The following LAMB1 variants were observed in gnomAD, a reference collection of about 807,000 sequenced individuals.
The protein encoded by LAMB1 is laminin subunit beta-1.
Under a neutral mutation model 222.3 loss-of-function variants are expected in LAMB1, and 121 were observed. The observed-to-expected ratio is 0.54, with a 90% CI of 0.47 to 0.63. The LOEUF is 0.63. LAMB1 is among the 30% of genes least tolerant of loss of function. LAMB1 has a pLI of 0.00. For synonymous variants in LAMB1, 794 were observed against 807.2 expected, an observed-to-expected ratio of 0.98 and a Z score of 0.28; for missense variants, 2,172 against 2,240.8, an observed-to-expected ratio of 0.97 and a Z score of 0.62.
chr7:107,931,367 T>C lies in LAMB1; in HGVS notation c.4526A>G (p.Asn1509Ser), dbSNP rs772720737. The C allele has an allele frequency of 1.9e-6, 3 of 1,612,818 alleles. No homozygotes were observed. Among genetic ancestry groups the C allele is most frequent in the Non-Finnish European group, 2.5e-6 (3 of 1,179,656 alleles). ...AAAAAATTTCTTACGGGTCAAAAAG[T>C]TTCTGATTTGCTTGATTAGATTTCT... ...ELRNLIKQIR[N>S]FLTQDSADLD... Residue 1509 changes from asparagine to serine, a missense_variant, in exon 29 of 34, where the codon AAC becomes AGC. Physicochemically the swap from Asn to Ser is conservative, Grantham distance 46. Coordinates refer to ENST00000222399, the MANE Select transcript of LAMB1 (RefSeq NM_002291.3).
intron 5 of LAMB1, among the ~76,000 whole-genome samples, chr7:107,991,639 G>A (rs529067265): frequency 4.6e-5 from 7 of 151,624 alleles, no homozygotes; most frequent in East Asian, 3.9e-4. Flanking sequence ...GGCTGGGCGC[G>A]GTAGCTCACG....
At chr7:107,951,361 G>A in intron 23 of LAMB1, 39 bp from the exon 24 acceptor site, 1 of 1,581,492 alleles carries the variant, frequency 6.3e-7, no homozygotes, top group Non-Finnish European at 8.7e-7. Flanking sequence ...GCAGGCTTCA[G>A]GCCAGAAGCC....
intron 33 of LAMB1, 52 bp downstream of exon 33, chr7:107,924,178 C>T: frequency 6.4e-7 from 1 of 1,552,822 alleles, no homozygotes; most frequent in Non-Finnish European, 8.6e-7. Context: ...TTTAAATAAA[C>T]TATGGATGCC....
At chr7:107,940,906 G>A (rs1328224682) in intron 24 of LAMB1, among the ~76,000 whole-genome samples, 1 of 152,146 alleles carries the variant, frequency 6.6e-6, no homozygotes, top group Non-Finnish European at 1.5e-5. Flanking sequence ...AGCTCTTTAC[G>A]TACCTGACTC....
Position 107,960,605 on chromosome 7 carries a change from C to T in LAMB1, c.2154G>A (p.Val718=), listed in dbSNP as rs1584508209. The T allele has an allele frequency of 3.7e-6, 6 of 1,614,264 alleles. No individual in the cohort carries two copies. Among genetic ancestry groups the T allele is most frequent in the Non-Finnish European group, 5.1e-6 (6 of 1,180,050 alleles). ...PYCKSLDIFT[V]GGSGDGVVTN... is the part of the protein sequence containing the mutation. The stretch of plus-strand genomic sequence containing the variant: ...TGACCACCCCATCTCCTGAACCTCC[C>T]ACGGTGAAGATGTCCAGTGATTTAC... The change falls in exon 18 of 34, where the codon GTG becomes GTA. Residue 718 remains valine (V), a synonymous_variant. Transcript: ENST00000222399.
intron 28 of LAMB1, 150 bp downstream of exon 28, chr7:107,932,024 C>T (rs1380221705): frequency 1.3e-5 from 10 of 763,788 alleles, no homozygotes; most frequent in African/African-American, 1.2e-4. Flanking sequence ...CTTTCTCTGA[C>T]CTCACAGAAA....
At chr7:107,964,473 G>T in intron 14 of LAMB1, 79 bp downstream of exon 14, 1 of 1,523,356 alleles carries the variant, frequency 6.6e-7, no homozygotes, top group Non-Finnish European at 9.0e-7. Context: ...CTTCTGAAAT[G>T]GGGTCTTTAC....
intron 32 of LAMB1, 67 bp downstream of exon 32, chr7:107,926,116 G>T: frequency 8.0e-7 from 1 of 1,252,790 alleles, no homozygotes; most frequent in Non-Finnish European, 1.2e-6. Context: ...CTTACTCTAA[G>T]GCAGGCAAGG....
At chr7:107,940,861 T>C (rs2032964326) in intron 24 of LAMB1, among the ~76,000 whole-genome samples, 1 of 152,246 alleles carries the variant, frequency 6.6e-6, no homozygotes, top group African/African-American at 2.4e-5. Flanking sequence ...ATCCTGATAA[T>C]GTGCCACCTG....
At position 107,975,347 on chromosome 7, in the gene LAMB1, G is replaced by C. The variant is rs749199416; in HGVS notation, c.1256C>G (p.Thr419Ser). Reference protein sequence around the residue: ...GICDSYTDFSTGLIAGQCRCK... With the variant: ...GICDSYTDFSSGLIAGQCRCK... The stretch of plus-strand genomic sequence containing the variant: ...CCGACACTGGCCAGCAATGAGACCA[G>C]TAGAAAAATCAGTATAGCTGTCACA... Residue 419 changes from threonine (T) to serine (S), a missense_variant, in exon 11 of 34, where the codon ACT becomes AGT. Physicochemically the swap from Thr to Ser is moderately conservative, Grantham distance 58. Transcript: ENST00000222399. 6.2e-7 allele frequency: 1 copy of C among 1,614,026 alleles called. No homozygotes were observed. The highest frequency in any genetic ancestry group is 8.5e-7 in the Non-Finnish European group (1 of 1,179,944).
intron 7 of LAMB1, among the ~76,000 whole-genome samples, chr7:107,985,141 C>T (rs996954887): frequency 6.6e-6 from 1 of 152,062 alleles, no homozygotes; most frequent in East Asian, 1.9e-4. Context: ...AATCTTATAT[C>T]GGATGTATTG....
At chr7:107,925,006 A>G (rs2032526580) in intron 32 of LAMB1, among the ~76,000 whole-genome samples, 1 of 152,166 alleles carries the variant, frequency 6.6e-6, no homozygotes. Context: ...CATTATGCAA[A>G]ATGCCCTGAA....
chr7:107,988,964 TCACAA>T (rs992657892), intron 5 of LAMB1, among the ~76,000 whole-genome samples: 9 of 152,130 alleles, frequency 5.9e-5, no homozygotes, highest in African/African-American at 2.2e-4. Flanking sequence ...CAAGGCACCC[TCACAA>T]CACATTTGTC....
At chr7:107,964,760 G>A (rs1584512406) in intron 13 of LAMB1, 73 bp from the exon 14 acceptor site, 1 of 1,552,116 alleles carries the variant, frequency 6.4e-7, no homozygotes, top group Non-Finnish European at 8.8e-7. Context: ...CAGCTCTACA[G>A]CTGCCATTAC....
chr7:107,941,551 A>C (rs1040838016), intron 24 of LAMB1, among the ~76,000 whole-genome samples: 2 of 152,196 alleles, frequency 1.3e-5, no homozygotes, highest in African/African-American at 4.8e-5. Flanking sequence ...ACCTCATTTT[A>C]GTCTAGGCAT....
Position 108,001,654 on chromosome 7 carries a change from C to A in LAMB1, c.117G>T (p.Thr39=), listed in dbSNP as rs775159202. The A allele has an allele frequency of 1.2e-6, 2 of 1,612,760 alleles. No homozygotes were observed. Among genetic ancestry groups the A allele is most frequent in the South Asian group, 1.1e-5 (1 of 90,904 alleles). ...GTGCTCGGCCGATGAGAAGGTCGCC[C>A]GTGGCGGGATAGCAGCTGCCTTCTG... ...GCAEGSCYPA[T]GDLLIGRAQK... The change falls in exon 3 of 34, where the codon ACG becomes ACT. Residue 39 remains threonine (T), a synonymous_variant. Transcript: ENST00000222399.
intron 7 of LAMB1, among the ~76,000 whole-genome samples, chr7:107,984,674 T>C (rs2034040185): frequency 6.6e-6 from 1 of 152,220 alleles, no homozygotes; most frequent in Non-Finnish European, 1.5e-5. Context: ...GATGGCCTTA[T>C]AACTAGGGTT....
intron 13 of LAMB1, among the ~76,000 whole-genome samples, chr7:107,968,602 A>T (rs949159153): frequency 6.6e-6 from 1 of 152,214 alleles, no homozygotes; most frequent in Admixed American, 6.5e-5. Flanking sequence ...GAGCTGTGAC[A>T]TAAGAAGGAT....
chr7:107,926,293 C>A lies in LAMB1; in HGVS notation c.4954G>T (p.Glu1652Ter). The change falls in exon 32 of 34, where the codon GAG becomes TAG. Residue 1652 changes from glutamate to a stop codon, truncating the protein, a stop_gained. Coordinates refer to ENST00000222399, the MANE Select transcript of LAMB1 (RefSeq NM_002291.3). LOFTEE classifies it high-confidence loss of function. ...CGCTTAAGTTCTTCCACATTCCTCT[C>A]TAACTCGCTGATGCGCTGGGACGCG... The part of the protein sequence containing the change: ...FNASQRISEL[E>*]RNVEELKRKA... 6.2e-7 allele frequency: 1 copy of A among 1,614,046 alleles called. No individual in the cohort carries two copies.
Sources: allele counts gnomAD v4.1 joint callset (sites outside exome capture counted in the v4.1 genomes callset), GRCh38; gene constraint gnomAD v4.1.1; transcripts MANE v1.5; gene names NCBI Gene and HGNC (gene_info 2026-07-23, HGNC 2026-07-21).